Variants in CCSAP observed in about 807,000 individuals in gnomAD.
CCSAP encodes the protein centriole, cilia and spindle-associated protein.
A neutral mutation model predicts 25.9 loss-of-function variants in CCSAP; 17 were observed. The observed-to-expected ratio is 0.66, with a 90% CI of 0.45 to 0.99. The LOEUF is 0.99. Among genes scored for constraint, CCSAP ranks in the 50% least tolerant of loss-of-function variants. CCSAP has a pLI of 0.00. For missense variants in CCSAP, 339 were observed against 367.8 expected (o/e 0.92, Z 0.64); for synonymous variants, 169 against 157.1 (o/e 1.08, Z -0.57).
rs1268702570 is a variant in CCSAP, at chr1:229,324,459, TGA to T, written c.*774_*775del. ...AAAAAAAAAAAGGCAATAAAAAAAG[TGA>T]GTCTTTGACTACTCAAAAGAAACTT... On this transcript the variant is annotated 3_prime_UTR_variant, in exon 4 of 4. Coordinates refer to ENST00000284617, the MANE Select transcript of CCSAP (RefSeq NM_145257.5). The T allele has an allele frequency of 6.7e-6, 1 of 149,004 alleles. No homozygotes were observed. The highest frequency in any genetic ancestry group is 6.7e-5 in the Admixed American group (1 of 14,880). The allele number at this position is 149,004 out of a possible 1,614,324, so 9.2% of individuals were successfully genotyped here.
intron 2 of CCSAP, among the ~76,000 whole-genome samples, chr1:229,335,159 A>C (rs74780225): frequency 0.014 from 2,091 of 152,230 alleles, 23 homozygotes; most frequent in Non-Finnish European, 0.021. Flanking sequence ...ATAAAAATTA[A>C]AAATAAAAAA....
chr1:229,334,459 GA>G (rs371353998), intron 2 of CCSAP, among the ~76,000 whole-genome samples: 2 of 152,250 alleles, frequency 1.3e-5, no homozygotes, highest in African/African-American at 4.8e-5. Flanking sequence ...GCAGTTATCA[GA>G]GGGAAATTTA....
intron 2 of CCSAP, chr1:229,327,381 T>C: frequency 2.7e-6 from 1 of 371,142 alleles, no homozygotes; most frequent in Non-Finnish European, 5.3e-6. Context: ...CGGAAAGATC[T>C]GGATTTGTGG....
intron 2 of CCSAP, 92 bp from the exon 3 acceptor site, chr1:229,327,098 A>T: frequency 9.1e-7 from 1 of 1,101,664 alleles, no homozygotes; most frequent in Admixed American, 3.0e-5. Context: ...AATGCTTAAG[A>T]CAGTAACATT....
At chr1:229,330,833 TAAAAAAAAA>T (rs1553304645) in intron 2 of CCSAP, among the ~76,000 whole-genome samples, 2 of 118,216 alleles carry the variant, frequency 1.7e-5, no homozygotes, top group African/African-American at 3.0e-5. Flanking sequence ...CAACTCCATC[TAAAAAAAAA>T]AAAAAAAAAG....
chr1:229,325,584 C>T (rs1657921772), intron 3 of CCSAP, among the ~76,000 whole-genome samples, 173 bp from the exon 4 acceptor site: 1 of 151,970 alleles, frequency 6.6e-6, no homozygotes, highest in East Asian at 1.9e-4. Flanking sequence ...GAGCCATTCT[C>T]ACTTGATGCT....
At chr1:229,327,090 T>C (rs1571850089) in intron 2 of CCSAP, 84 bp from the exon 3 acceptor site, 21 of 1,159,420 alleles carry the variant, frequency 1.8e-5, no homozygotes, top group Non-Finnish European at 2.4e-5. Context: ...AAAATCATAA[T>C]GCTTAAGACA....
rs1657865863 is a variant in CCSAP at position 229,323,137 on chromosome 1, A to G, written c.*2098T>C. On this transcript the variant is annotated 3_prime_UTR_variant, in exon 4 of 4. Transcript: ENST00000284617. ...TGTAAGATGAAGGCTTACAATTCAT[A>G]CTGATTTATTAACCATTCATGCACT... The G allele has an allele frequency of 6.6e-6, 1 of 152,234 alleles. No individual in the cohort carries two copies. The highest frequency in any genetic ancestry group is 2.1e-4 in the South Asian group (1 of 4,832). 9.4% of individuals were successfully genotyped at this position (152,234 alleles called of 1,614,324 possible). A position where few individuals can be genotyped will look rare whatever the true frequency, so the allele number is the denominator to read the frequency against.
rs560302801 is a variant in CCSAP at position 229,321,729 on chromosome 1, C to T, written c.*3506G>A. The T allele has an allele frequency of 1.6e-4, 24 of 152,294 alleles. No homozygotes were observed. Among genetic ancestry groups the T allele is most frequent in the African/African-American group, 5.8e-4 (24 of 41,570 alleles). The allele number at this position is 152,294 out of a possible 1,614,324, so 9.4% of individuals were successfully genotyped here. On this transcript the variant is annotated 3_prime_UTR_variant, in exon 4 of 4. Transcript: ENST00000284617. ...AAAATTGTTTTACTTCTGATATATG[C>T]TTTGCTCCTCCTCCTCTTTGCTAGT...
At chr1:229,340,529 T>A in intron 2 of CCSAP, 1 of 694,896 alleles carries the variant, frequency 1.4e-6, no homozygotes, top group Non-Finnish European at 2.7e-6. Context: ...CCATTTAGCC[T>A]GATAAAGTAC....
intron 3 of CCSAP, among the ~76,000 whole-genome samples, chr1:229,326,223 T>C (rs779003075): frequency 2.6e-5 from 4 of 152,218 alleles, no homozygotes; most frequent in Non-Finnish European, 5.9e-5. Flanking sequence ...GCATTTGTTA[T>C]GGATGAACAG....
rs528420783 is a variant in CCSAP at position 229,325,917 on chromosome 1, C to T, written c.637-506G>A. Among the ~76,000 whole-genome samples, 8 of 152,322 alleles carry T rather than the reference C, an allele frequency of 5.3e-5. No individual in the cohort carries two copies. In the South Asian group the frequency reaches 1.4e-3, roughly 28 times the overall value. On this transcript the variant is annotated intron_variant, in intron 3 of 3. Transcript: ENST00000284617. ...TTCTTAGAGATCTTTTGTTAAACGG[C>T]AGCTTTGTTGTCTCAAATATCACTC...
In CCSAP at chr1:229,342,569, C is replaced by A; in HGVS notation, c.-48-56G>T. 2 of 780,400 alleles carry A rather than the reference C, an allele frequency of 2.6e-6. No individual in the cohort carries two copies. Among genetic ancestry groups the A allele is most frequent in the Non-Finnish European group, 3.5e-6 (2 of 575,574 alleles). 48.3% of individuals were successfully genotyped at this position (780,400 alleles called of 1,614,324 possible). A position where few individuals can be genotyped will look rare whatever the true frequency, so the allele number is the denominator to read the frequency against. On this transcript the variant is annotated intron_variant, in intron 1 of 3. Coordinates refer to ENST00000284617, the MANE Select transcript of CCSAP (RefSeq NM_145257.5). This position sits in a 1 kb window ranked among gnomAD's most constrained non-coding sequence, Gnocchi z 7.5. ...GCCCCGCCCCTCCGCCGGCCCTGCCCGCCGCGACGTTTAAACCCGGAGCCC... is the reference window on the plus strand; with the variant it reads ...GCCCCGCCCCTCCGCCGGCCCTGCCAGCCGCGACGTTTAAACCCGGAGCCC...
chr1:229,323,384 C>G lies in CCSAP; in HGVS notation c.*1851G>C, dbSNP rs1215805180. The G allele has an allele frequency of 6.6e-6, 1 of 152,222 alleles. No homozygotes were observed. The highest frequency in any genetic ancestry group is 1.5e-5 in the Non-Finnish European group (1 of 68,040). 9.4% of individuals were successfully genotyped at this position (152,222 alleles called of 1,614,324 possible). On this transcript the variant is annotated 3_prime_UTR_variant, in exon 4 of 4. Transcript: ENST00000284617. ...GTCAGTGTGGGGCCTGCACCACTCT[C>G]TAAGGCCGTCTTTCCTAGATTGTCA...
At chr1:229,329,004 T>C (rs1041015820) in intron 2 of CCSAP, among the ~76,000 whole-genome samples, 1 of 152,198 alleles carries the variant, frequency 6.6e-6, no homozygotes, top group Admixed American at 6.5e-5. Flanking sequence ...CATTCACTGC[T>C]CAAACGTTTA....
Position 229,321,134 on chromosome 1 carries a change from G to C in CCSAP, c.*4101C>G, listed in dbSNP as rs1170778945. 1 of 152,158 alleles carries C rather than the reference G, an allele frequency of 6.6e-6. No individual in the cohort carries two copies. Among genetic ancestry groups the C allele is most frequent in the East Asian group, 1.9e-4 (1 of 5,200 alleles). 9.4% of individuals were successfully genotyped at this position (152,158 alleles called of 1,614,324 possible). On this transcript the variant is annotated 3_prime_UTR_variant, in exon 4 of 4. Coordinates refer to ENST00000284617, the MANE Select transcript of CCSAP (RefSeq NM_145257.5). ...AATTATTGTGTGGCCTGGGCTTTGT[G>C]ATTATGTGCCCAGCCTTTGTTCCTC... is the stretch of plus-strand genomic sequence containing the variant.
intron 3 of CCSAP, among the ~76,000 whole-genome samples, chr1:229,325,965 T>A (rs1257678865): frequency 1.3e-5 from 2 of 152,194 alleles, no homozygotes; most frequent in East Asian, 3.9e-4. Flanking sequence ...TTTGCTAGGG[T>A]TCAGATGTCT....
Position 229,342,468 on chromosome 1 carries a change from T to C in CCSAP, c.-3A>G. ...TTCACCCCGCTCCCCGGGGACATGG[T>C]GCCGTCCGCCGCCTCGAGCGCCAGC... On this transcript the variant is annotated 5_prime_UTR_variant, in exon 2 of 4. Transcript: ENST00000284617. This position sits in a 1 kb window ranked among gnomAD's most constrained non-coding sequence, Gnocchi z 7.5. 1 of 1,342,558 alleles carries C rather than the reference T, an allele frequency of 7.4e-7. No individual in the cohort carries two copies. Among genetic ancestry groups the C allele is most frequent in the Non-Finnish European group, 9.6e-7 (1 of 1,042,566 alleles). The allele number at this position is 1,342,558 out of a possible 1,614,324, so 83.2% of individuals were successfully genotyped here.
intron 2 of CCSAP, among the ~76,000 whole-genome samples, chr1:229,338,485 C>T (rs1658253184): frequency 6.6e-6 from 1 of 151,394 alleles, no homozygotes. Context: ...AGCATATTGG[C>T]TATGGGAGGA....
Sources: gnomAD v4.1 joint callset for allele counts (sites outside exome capture counted in the v4.1 genomes callset) on GRCh38, gnomAD v4.1.1 for gene constraint, Gnocchi (gnomAD v3.1) non-coding constraint, MANE v1.5 for transcripts, NCBI Gene and HGNC (gene_info 2026-07-23, HGNC 2026-07-21) for gene names.